Variants in PACRG observed in about 807,000 individuals in gnomAD.
PACRG encodes parkin coregulated gene protein.
A neutral mutation model predicts 29.7 loss-of-function variants in PACRG; 29 were observed. That is an observed-to-expected ratio of 0.98 (90% CI 0.73 to 1.33). The LOEUF (loss-of-function observed/expected upper bound fraction) is 1.33, where lower values mean the gene tolerates loss of function less well. Among genes scored for constraint, PACRG ranks in the 40% most tolerant of loss-of-function variants. PACRG has a pLI of 0.00. For synonymous variants in PACRG, 116 were observed against 118.7 expected (o/e 0.98, Z 0.15); for missense variants, 279 against 316.2 (o/e 0.88, Z 0.89).
At chr6:162,775,624 T>A (rs1470243250) in intron 1 of PACRG, among the ~76,000 whole-genome samples, 1 of 152,196 alleles carries the variant, frequency 6.6e-6, no homozygotes, top group Non-Finnish European at 1.5e-5. Flanking sequence ...CATATCTATT[T>A]TTCAAATTAT....
At chr6:163,073,281 A>G (rs1812243298) in intron 3 of PACRG, among the ~76,000 whole-genome samples, 1 of 152,152 alleles carries the variant, frequency 6.6e-6, no homozygotes, top group South Asian at 2.1e-4. Flanking sequence ...AAATAAGTCC[A>G]TACATCTACA....
At chr6:162,762,194 G>T (rs903947035) in intron 1 of PACRG, among the ~76,000 whole-genome samples, 1 of 152,148 alleles carries the variant, frequency 6.6e-6, no homozygotes, top group Non-Finnish European at 1.5e-5. Context: ...GGAGGAAGGA[G>T]AACTTAATCC....
At chr6:163,229,871 GGTCAATTTCAGGTCCACAGA>G in intron 4 of PACRG, among the ~76,000 whole-genome samples, 1 of 152,302 alleles carries the variant, frequency 6.6e-6, no homozygotes, top group African/African-American at 2.4e-5. Flanking sequence ...CGACAGCAGA[GGTCAATTTCAGGTCCACAGA>G]GTCCCACTAA....
intron 2 of PACRG, among the ~76,000 whole-genome samples, chr6:162,873,603 A>G (rs974269202): frequency 6.6e-6 from 1 of 152,218 alleles, no homozygotes. Context: ...TGTTTTGGGC[A>G]TGAAACCAGC....
intron 1 of PACRG, among the ~76,000 whole-genome samples, chr6:162,788,605 G>A (rs2128323223): frequency 6.6e-6 from 1 of 152,276 alleles, no homozygotes; most frequent in South Asian, 2.1e-4. Flanking sequence ...CCAAAGTGAT[G>A]GCACCATTTG....
At chr6:162,838,593 T>A (rs939318528) in intron 2 of PACRG, among the ~76,000 whole-genome samples, 2 of 151,164 alleles carry the variant, frequency 1.3e-5, no homozygotes, top group African/African-American at 2.4e-5. Flanking sequence ...ATTAACATCA[T>A]TTTTTTTTAT....
chr6:162,893,768 C>A (rs555139492), intron 2 of PACRG, among the ~76,000 whole-genome samples: 6 of 152,140 alleles, frequency 3.9e-5, no homozygotes, highest in African/African-American at 7.2e-5. Flanking sequence ...TGTGGGCAGT[C>A]AGATATGATG....
chr6:162,967,723 G>GGTCT (rs1429941624), intron 2 of PACRG, among the ~76,000 whole-genome samples: 4 of 151,878 alleles, frequency 2.6e-5, no homozygotes, highest in African/African-American at 9.7e-5. Context: ...TAGCCGGGAT[G>GGTCT]GTCTCAATCT....
At chr6:162,999,495 G>A (rs931441681) in intron 2 of PACRG, among the ~76,000 whole-genome samples, 4 of 152,152 alleles carry the variant, frequency 2.6e-5, no homozygotes, top group African/African-American at 9.7e-5. Context: ...TACAAGATTG[G>A]ATAGTTGCTG....
At chr6:163,146,098 T>C (rs1585264773) in intron 4 of PACRG, among the ~76,000 whole-genome samples, 1 of 152,314 alleles carries the variant, frequency 6.6e-6, no homozygotes, top group East Asian at 1.9e-4. Context: ...TCTTTTGAAG[T>C]TCAAAAAGCC....
At chr6:163,131,043 C>T (rs1585250251) in intron 4 of PACRG, among the ~76,000 whole-genome samples, 6 of 152,162 alleles carry the variant, frequency 3.9e-5, no homozygotes, top group Admixed American at 3.9e-4. Flanking sequence ...CGCAGTGGCT[C>T]AAGCCTGTAA....
intron 4 of PACRG, among the ~76,000 whole-genome samples, chr6:163,148,794 A>G (rs1236826749): frequency 6.6e-6 from 1 of 152,022 alleles, no homozygotes; most frequent in East Asian, 1.9e-4. Context: ...CACTGGAAAT[A>G]CCTTCCTCTC....
At chr6:163,299,707 C>T (rs971587621) in intron 4 of PACRG, among the ~76,000 whole-genome samples, 1 of 152,116 alleles carries the variant, frequency 6.6e-6, no homozygotes, top group Non-Finnish European at 1.5e-5. Flanking sequence ...AGTGAAACCC[C>T]GTCTCTACTA....
intron 4 of PACRG, among the ~76,000 whole-genome samples, chr6:163,162,397 C>T (rs1010565758): frequency 6.6e-5 from 10 of 152,210 alleles, no homozygotes. Flanking sequence ...AATTTCTAAT[C>T]CCACTTGTTG....
intron 4 of PACRG, among the ~76,000 whole-genome samples, chr6:163,223,819 T>A (rs1006867470): frequency 6.6e-6 from 1 of 152,192 alleles, no homozygotes; most frequent in African/African-American, 2.4e-5. Context: ...ATTATGAAGA[T>A]GTGCCTTGCT....
chr6:163,151,382 C>T (rs1386375884), intron 4 of PACRG, among the ~76,000 whole-genome samples: 1 of 152,088 alleles, frequency 6.6e-6, no homozygotes, highest in Non-Finnish European at 1.5e-5. Context: ...TCCCCCTGCC[C>T]TCCCCAGCAA....
intron 4 of PACRG, among the ~76,000 whole-genome samples, chr6:163,302,654 A>G (rs1201511097): frequency 3.3e-5 from 5 of 152,218 alleles, no homozygotes; most frequent in Non-Finnish European, 7.3e-5. Flanking sequence ...TTGGAAATCT[A>G]TTCAAATTTT....
intron 4 of PACRG, among the ~76,000 whole-genome samples, chr6:163,188,513 A>T (rs1780058152): frequency 6.6e-6 from 1 of 152,116 alleles, no homozygotes; most frequent in East Asian, 1.9e-4. Context: ...CAGGCCACTG[A>T]TCCTCAGGCC....
At chr6:163,256,079 C>T (rs1011223983) in intron 4 of PACRG, among the ~76,000 whole-genome samples, 2 of 152,196 alleles carry the variant, frequency 1.3e-5, no homozygotes, top group African/African-American at 4.8e-5. Flanking sequence ...TACTATTCTA[C>T]GTTCTGCTAA....
Sources: gnomAD v4.1 joint callset for allele counts (sites outside exome capture counted in the v4.1 genomes callset) on GRCh38, gnomAD v4.1.1 for gene constraint, MANE v1.5 for transcripts, NCBI Gene and HGNC (gene_info 2026-07-23, HGNC 2026-07-21) for gene names.